Variants in RORA observed in about 807,000 individuals in gnomAD.
RORA encodes RAR related orphan receptor A.
A neutral mutation model predicts 69.5 loss-of-function variants in RORA; 7 were observed. The observed-to-expected ratio is 0.10, with a 90% CI of 0.06 to 0.19. RORA has a LOEUF of 0.19. Among genes scored for constraint, RORA ranks in the 10% least tolerant of loss-of-function variants. The pLI is 1.00. For synonymous variants in RORA, 261 were observed against 240.8 expected, an observed-to-expected ratio of 1.08 and a Z score of -0.78; for missense variants, 457 against 663.0, an observed-to-expected ratio of 0.69 and a Z score of 3.41.
chr15:60,632,870 A>AAAAAG lies in RORA; in HGVS notation c.196+45782_196+45786dup, dbSNP rs527638746. Among the ~76,000 whole-genome samples, 21 of 152,366 alleles carry AAAAAG rather than the reference A, an allele frequency of 1.4e-4. No individual in the cohort carries two copies. In the South Asian group the frequency reaches 1.4e-3, roughly 11 times the overall value. ...TGGATTTTGCAGGCCAGTAAAATCC[A>AAAAAG]AAAAGAAAAGAAAAGAAAAGGAAAT... is the stretch of plus-strand genomic sequence containing the variant. On this transcript the variant is annotated intron_variant, in intron 2 of 10. Transcript: ENST00000335670.
chr15:60,764,578 T>C (rs898996236), intron 1 of RORA, among the ~76,000 whole-genome samples: 12 of 152,132 alleles, frequency 7.9e-5, no homozygotes, highest in Non-Finnish European at 1.8e-4. Context: ...AAAGGTCAAC[T>C]AGATTCAGAA....
At chr15:60,917,487 G>C (rs1233615033) in intron 1 of RORA, among the ~76,000 whole-genome samples, 3 of 152,168 alleles carry the variant, frequency 2.0e-5, no homozygotes, top group South Asian at 2.1e-4. Flanking sequence ...AGTTCTACGA[G>C]CCTAGCCTAG....
intron 1 of RORA, among the ~76,000 whole-genome samples, chr15:60,766,228 A>T (rs1248187569): frequency 2.0e-5 from 3 of 152,110 alleles, no homozygotes; most frequent in Non-Finnish European, 2.9e-5. Context: ...TGAGCCTGTG[A>T]GCCTGCGAGC....
At chr15:60,653,062 A>AT (rs1182952357) in intron 2 of RORA, among the ~76,000 whole-genome samples, 2 of 152,136 alleles carry the variant, frequency 1.3e-5, no homozygotes, top group South Asian at 4.1e-4. Context: ...GTGACACTGG[A>AT]TTTTTTACCT....
At chr15:60,929,989 A>G (rs1892330908) in intron 1 of RORA, among the ~76,000 whole-genome samples, 1 of 152,196 alleles carries the variant, frequency 6.6e-6, no homozygotes, top group South Asian at 2.1e-4. Flanking sequence ...ACTTTCTGCA[A>G]TGATGGAAAT....
At chr15:60,967,522 T>C (rs1173624785) in intron 1 of RORA, among the ~76,000 whole-genome samples, 3 of 152,198 alleles carry the variant, frequency 2.0e-5, no homozygotes, top group African/African-American at 7.2e-5. Context: ...GGCCTGTAAT[T>C]TGTTGTTGCT....
intron 1 of RORA, among the ~76,000 whole-genome samples, chr15:60,920,077 T>C (rs1891997608): frequency 6.6e-6 from 1 of 152,094 alleles, no homozygotes; most frequent in Non-Finnish European, 1.5e-5. Flanking sequence ...AGAGGCCTCT[T>C]CCTTTATCAG....
At chr15:61,020,143 C>T (rs1179624471) in intron 1 of RORA, among the ~76,000 whole-genome samples, 1 of 152,198 alleles carries the variant, frequency 6.6e-6, no homozygotes, top group Admixed American at 6.5e-5. Flanking sequence ...AATGTGGCTG[C>T]CACTGTCCGA....
intron 1 of RORA, among the ~76,000 whole-genome samples, chr15:60,838,280 G>C (rs546230010): frequency 6.6e-6 from 1 of 152,288 alleles, no homozygotes; most frequent in East Asian, 1.9e-4. Flanking sequence ...TGTTGACCCA[G>C]ACATGGCCTG....
At chr15:61,043,595 C>G (rs1282877937) in intron 1 of RORA, among the ~76,000 whole-genome samples, 1 of 152,122 alleles carries the variant, frequency 6.6e-6, no homozygotes, top group Non-Finnish European at 1.5e-5. Context: ...TTCCACCTAA[C>G]CATAGAAATG....
chr15:60,704,697 C>T (rs146146443), intron 1 of RORA, among the ~76,000 whole-genome samples: 326 of 152,290 alleles, frequency 2.1e-3, no homozygotes, highest in Middle Eastern at 6.8e-3. Context: ...ACTTCAAATG[C>T]GTAATCTAGG....
At chr15:61,083,671 GA>G (rs1262057329) in intron 1 of RORA, among the ~76,000 whole-genome samples, 2 of 151,336 alleles carry the variant, frequency 1.3e-5, no homozygotes, top group African/African-American at 2.4e-5. Context: ...TTAGGAAAGG[GA>G]AAAAAAAGCC....
At chr15:61,104,993 G>GCTCCCCCCCCCCCCC (rs751911711) in intron 1 of RORA, among the ~76,000 whole-genome samples, 2 of 140,818 alleles carry the variant, frequency 1.4e-5, no homozygotes, top group Admixed American at 7.2e-5. Context: ...TGATCATGAG[G>GCTCCCCCCCCCCCCC]CGCCCCCCCC....
intron 9 of RORA, 22 bp downstream of exon 9, chr15:60,500,931 CATTTTT>C: frequency 1.5e-6 from 2 of 1,309,310 alleles, no homozygotes; most frequent in Non-Finnish European, 2.2e-6. Flanking sequence ...ATTCGAAAAC[CATTTTT>C]ATTTTTATTT....
intron 1 of RORA, among the ~76,000 whole-genome samples, chr15:61,105,172 T>C (rs2078934938): frequency 6.6e-6 from 1 of 152,154 alleles, no homozygotes; most frequent in Non-Finnish European, 1.5e-5. Flanking sequence ...AGGAGAGGGA[T>C]GGTCTAAAAT....
At chr15:60,796,838 G>T (rs2072505166) in intron 1 of RORA, among the ~76,000 whole-genome samples, 1 of 151,588 alleles carries the variant, frequency 6.6e-6, no homozygotes. Context: ...TCATACAAAA[G>T]AATATTATTC....
At chr15:61,135,927 A>C (rs1391206316) in intron 1 of RORA, among the ~76,000 whole-genome samples, 1 of 152,270 alleles carries the variant, frequency 6.6e-6, no homozygotes, top group Non-Finnish European at 1.5e-5. Flanking sequence ...ATATAGGCTA[A>C]GATGAAGAAA....
chr15:60,987,640 A>G (rs1894245744), intron 1 of RORA, among the ~76,000 whole-genome samples: 1 of 152,162 alleles, frequency 6.6e-6, no homozygotes, highest in Non-Finnish European at 1.5e-5. Flanking sequence ...TGGGGATTTC[A>G]TCGTCTCCCC....
intron 1 of RORA, among the ~76,000 whole-genome samples, chr15:61,202,165 G>A (rs1796625809): frequency 6.6e-6 from 1 of 151,892 alleles, no homozygotes; most frequent in African/African-American, 2.4e-5. Flanking sequence ...GCACCACCAT[G>A]CCCAGCTAAT....
Sources: allele counts gnomAD v4.1 joint callset (sites outside exome capture counted in the v4.1 genomes callset), GRCh38; gene constraint gnomAD v4.1.1; transcripts MANE v1.5; gene names NCBI Gene and HGNC (gene_info 2026-07-23, HGNC 2026-07-21).